The following FAF1 variants were observed in gnomAD, a reference collection of about 807,000 sequenced individuals.
FAF1 encodes the protein Fas associated factor 1.
In FAF1, 25 loss-of-function variants were observed where a neutral mutation model predicts 92.5. The observed-to-expected ratio is 0.27, with a 90% confidence interval of 0.20 to 0.38. The LOEUF is 0.38. Among genes scored for constraint, FAF1 ranks in the 10% least tolerant of loss-of-function variants. The pLI is 1.00. For missense variants in FAF1, 636 were observed against 793.3 expected (o/e 0.80, Z 2.38); for synonymous variants, 234 against 273.2 (o/e 0.86, Z 1.42).
At chr1:50,950,675 A>C (rs1645207332) in intron 1 of FAF1, among the ~76,000 whole-genome samples, 1 of 152,248 alleles carries the variant, frequency 6.6e-6, no homozygotes, top group East Asian at 1.9e-4. Context: ...TAGAGACACT[A>C]TGTGCATTCC....
chr1:50,876,116 C>T (rs1644569007), intron 1 of FAF1, among the ~76,000 whole-genome samples: 1 of 152,096 alleles, frequency 6.6e-6, no homozygotes, highest in Non-Finnish European at 1.5e-5. Flanking sequence ...CAGTAAATGA[C>T]CTACAGAAAA....
At chr1:50,652,399 G>A (rs1258407389) in intron 8 of FAF1, among the ~76,000 whole-genome samples, 1 of 152,218 alleles carries the variant, frequency 6.6e-6, no homozygotes, top group Non-Finnish European at 1.5e-5. Context: ...TTTACAGGCA[G>A]AAGAATTGAT....
At chr1:50,602,291 C>A (rs1652177417) in intron 8 of FAF1, among the ~76,000 whole-genome samples, 1 of 152,204 alleles carries the variant, frequency 6.6e-6, no homozygotes, top group African/African-American at 2.4e-5. Context: ...TCACAAGACA[C>A]TGATGTAATT....
chr1:50,910,689 C>T (rs536487333), intron 1 of FAF1, among the ~76,000 whole-genome samples: 20 of 151,804 alleles, frequency 1.3e-4, no homozygotes, highest in African/African-American at 4.6e-4. Flanking sequence ...CCAAGCCAGG[C>T]GCGGGATTAA....
chr1:50,790,404 T>C (rs1239754862), intron 3 of FAF1, among the ~76,000 whole-genome samples: 1 of 152,186 alleles, frequency 6.6e-6, no homozygotes, highest in East Asian at 1.9e-4. Flanking sequence ...CCTCCCAAAG[T>C]GCAGGGATTA....
At chr1:50,792,169 A>G (rs1661586701) in intron 3 of FAF1, among the ~76,000 whole-genome samples, 1 of 152,224 alleles carries the variant, frequency 6.6e-6, no homozygotes, top group South Asian at 2.1e-4. Flanking sequence ...AGACTTAAAA[A>G]AGAAAATGAT....
intron 1 of FAF1, among the ~76,000 whole-genome samples, chr1:50,870,131 C>T (rs1195480949): frequency 6.6e-6 from 1 of 152,196 alleles, no homozygotes; most frequent in Non-Finnish European, 1.5e-5. Flanking sequence ...TTTTATTACA[C>T]TCTACAGCAC....
chr1:50,801,820 T>C, intron 2 of FAF1, 143 bp from the exon 3 acceptor site: 1 of 564,094 alleles, frequency 1.8e-6, no homozygotes, highest in Non-Finnish European at 3.2e-6. Flanking sequence ...CAAAATGTTG[T>C]CTATTAAATG....
chr1:50,939,199 A>T (rs757781118), intron 1 of FAF1, among the ~76,000 whole-genome samples: 1 of 152,230 alleles, frequency 6.6e-6, no homozygotes, highest in Non-Finnish European at 1.5e-5. Flanking sequence ...ATGCATAAGC[A>T]TGAAATGTTT....
intron 1 of FAF1, among the ~76,000 whole-genome samples, chr1:50,932,832 C>T (rs1032199532): frequency 1.3e-5 from 2 of 152,244 alleles, no homozygotes; most frequent in Non-Finnish European, 2.9e-5. Context: ...CAGGCATTTC[C>T]GTACATCTTC....
At chr1:50,871,714 CAGAT>C (rs1644529389) in intron 1 of FAF1, among the ~76,000 whole-genome samples, 1 of 152,102 alleles carries the variant, frequency 6.6e-6, no homozygotes, top group African/African-American at 2.4e-5. Context: ...CTCAAGAGCT[CAGAT>C]AGAGATGTAC....
At chr1:50,702,328 G>C (rs1468018738) in intron 7 of FAF1, among the ~76,000 whole-genome samples, 1 of 151,922 alleles carries the variant, frequency 6.6e-6, no homozygotes, top group African/African-American at 2.4e-5. Context: ...TGACAAATCT[G>C]AATTCTCAGC....
chr1:50,500,423 T>C (rs539528469), intron 15 of FAF1, among the ~76,000 whole-genome samples: 4 of 152,198 alleles, frequency 2.6e-5, no homozygotes, highest in African/African-American at 9.6e-5. Context: ...AGGAAAACCT[T>C]TTAAACAAAT....
intron 2 of FAF1, among the ~76,000 whole-genome samples, chr1:50,851,934 A>G (rs1644354687): frequency 1.3e-5 from 2 of 152,148 alleles, no homozygotes; most frequent in Non-Finnish European, 2.9e-5. Context: ...TTCTTTCATA[A>G]CTATTTAATT....
At chr1:50,590,799 T>C (rs1374805387) in intron 9 of FAF1, among the ~76,000 whole-genome samples, 1 of 152,050 alleles carries the variant, frequency 6.6e-6, no homozygotes, top group Admixed American at 6.5e-5. Flanking sequence ...CTGACCAATA[T>C]GGTGAAACCC....
At chr1:50,515,177 A>G (rs1647201124) in intron 15 of FAF1, among the ~76,000 whole-genome samples, 2 of 152,298 alleles carry the variant, frequency 1.3e-5, no homozygotes, top group South Asian at 4.1e-4. Context: ...GTCAATATAT[A>G]GGAGGGTCTA....
chr1:50,739,048 A>G, intron 5 of FAF1, 94 bp from the exon 6 acceptor site: 1 of 805,926 alleles, frequency 1.2e-6, no homozygotes, highest in South Asian at 1.9e-5. Context: ...TTAATTTTGT[A>G]GTTTTTTTTA....
intron 4 of FAF1, among the ~76,000 whole-genome samples, chr1:50,770,762 C>T (rs563867094): frequency 6.6e-6 from 1 of 152,286 alleles, no homozygotes; most frequent in African/African-American, 2.4e-5. Context: ...TTTTAAAATT[C>T]ATATGGAACC....
At chr1:50,743,174 C>T (rs1490533443) in intron 5 of FAF1, among the ~76,000 whole-genome samples, 1 of 152,054 alleles carries the variant, frequency 6.6e-6, no homozygotes, top group African/African-American at 2.4e-5. Flanking sequence ...TCTTGCCAAC[C>T]CAAACTTCCT....
Sources: allele counts gnomAD v4.1 joint callset (sites outside exome capture counted in the v4.1 genomes callset), GRCh38; gene constraint gnomAD v4.1.1; transcripts MANE v1.5; gene names NCBI Gene and HGNC (gene_info 2026-07-23, HGNC 2026-07-21).